Variants in CCDC68 observed in about 807,000 individuals in gnomAD.
CCDC68 encodes coiled-coil domain-containing protein 68.
In CCDC68, 45 loss-of-function variants were observed where a neutral mutation model predicts 47.1. The ratio of observed to expected loss-of-function variants is 0.96; its 90% CI spans 0.75 to 1.23. The LOEUF (loss-of-function observed/expected upper bound fraction) is 1.23. CCDC68 is among the 50% of genes most tolerant of loss of function. The probability of loss-of-function intolerance (pLI) is 0.00; values close to 1 mark genes in which losing one functional copy is unlikely to be tolerated. For synonymous variants in CCDC68, 131 were observed against 129.5 expected (o/e 1.01, Z -0.08); for missense variants, 353 against 373.6 (o/e 0.94, Z 0.45).
chr18:54,956,694 A>G (rs185113386), intron 1 of CCDC68, among the ~76,000 whole-genome samples: 1 of 152,332 alleles, frequency 6.6e-6, no homozygotes, highest in East Asian at 1.9e-4. Flanking sequence ...TCTGTATGAA[A>G]TGTCCAGAAA....
intron 8 of CCDC68, 75 bp downstream of exon 8, chr18:54,928,725 T>C (rs2044189901): frequency 1.1e-6 from 1 of 906,598 alleles, no homozygotes; most frequent in Non-Finnish European, 1.8e-6. Context: ...GAAGGTCTTC[T>C]GTTCCCTGGC....
chr18:54,919,486 T>A, intron 8 of CCDC68, 110 bp from the exon 9 acceptor site: 1 of 889,602 alleles, frequency 1.1e-6, no homozygotes, highest in Non-Finnish European at 1.8e-6. Flanking sequence ...GGGGATCAGT[T>A]GGGTAAGACC....
In CCDC68 at chr18:54,945,873, C is replaced by T. The variant is rs143226346; in HGVS notation, c.-102-396G>A. Among the ~76,000 whole-genome samples the T allele has an allele frequency of 3.4e-4, 52 of 152,198 alleles. 1 individual carries two copies. Among genetic ancestry groups the T allele is most frequent in the African/African-American group, 1.2e-3 (50 of 41,512 alleles). ...TTAAATGCTTGAAGTAAGAGAAACA[C>T]CCATAGAGTCAATATGCAGTGTGCT... On this transcript the variant is annotated intron_variant, in intron 1 of 11. Transcript: ENST00000591504.
In CCDC68 at chr18:54,919,318, A is replaced by G; in HGVS notation, c.742T>C (p.Phe248Leu). The change falls in exon 9 of 12, where the codon TTT (phenylalanine) becomes CTT (leucine). Residue 248 changes from phenylalanine to leucine, a missense_variant. By Grantham distance (22) the Phe-to-Leu change is conservative. Transcript: ENST00000591504. ...TTCTGATGTTGGGAGTGAATCACAA[A>G]CTGCAGATGAGAGATCTGCTCCTGG... ...ILQEQISHLQ[F>L]VIHSQHQNLR... 1 of 1,614,118 alleles carries G rather than the reference A, an allele frequency of 6.2e-7. No individual in the cohort carries two copies.
chr18:54,916,745 A>C (rs574055680), intron 10 of CCDC68, among the ~76,000 whole-genome samples: 1 of 152,264 alleles, frequency 6.6e-6, no homozygotes, highest in South Asian at 2.1e-4. Flanking sequence ...AGTGCTAGCA[A>C]GGGGGTTGAT....
intron 4 of CCDC68, among the ~76,000 whole-genome samples, chr18:54,939,801 C>T (rs1285270918): frequency 6.6e-6 from 1 of 152,100 alleles, no homozygotes; most frequent in African/African-American, 2.4e-5. Context: ...ACACGAGTAA[C>T]TTCAAACCAT....
chr18:54,915,785 C>T lies in CCDC68; in HGVS notation c.873+2128G>A, dbSNP rs2043937399. 2.6e-5 allele frequency among the ~76,000 whole-genome samples: 4 copies of T among 151,868 alleles called. No homozygotes were observed. In the South Asian group the frequency reaches 8.3e-4, roughly 32 times the overall value. ...CTCTACTAAAAATACTAAAATCAGC[C>T]GAGTGACATGGTGTGCGCCTGTAAT... On this transcript the variant is annotated intron_variant, in intron 10 of 11. Coordinates refer to ENST00000591504, the MANE Select transcript of CCDC68 (RefSeq NM_025214.3).
intron 7 of CCDC68, among the ~76,000 whole-genome samples, chr18:54,930,886 T>C (rs2044245731): frequency 1.3e-5 from 2 of 150,930 alleles, no homozygotes; most frequent in South Asian, 4.2e-4. Flanking sequence ...GCCCGGCTAA[T>C]TTTGTATTTT....
chr18:54,952,714 C>T (rs1045802735), intron 1 of CCDC68, among the ~76,000 whole-genome samples: 1 of 152,140 alleles, frequency 6.6e-6, no homozygotes, highest in Non-Finnish European at 1.5e-5. Context: ...AATACAACTC[C>T]TCATTAAGAA....
rs949888068 is a variant in CCDC68, at chr18:54,918,047, A to T, written c.790-51T>A. The stretch of plus-strand genomic sequence containing the variant: ...AAAACCTTGTCAGACCACAGGAAAT[A>T]GTTACTTAAGTCAGAAATTGTATGG... On this transcript the variant is annotated intron_variant, in intron 9 of 11. Coordinates refer to ENST00000591504, the MANE Select transcript of CCDC68 (RefSeq NM_025214.3). 8 of 738,702 alleles carry T rather than the reference A, an allele frequency of 1.1e-5. No individual in the cohort carries two copies. The African/African-American group carries it at 1.3e-4, about 12-fold the overall frequency. 45.8% of individuals were successfully genotyped at this position (738,702 alleles called of 1,614,324 possible).
At chr18:54,909,588 C>A (rs922301779) in intron 10 of CCDC68, among the ~76,000 whole-genome samples, 3 of 152,198 alleles carry the variant, frequency 2.0e-5, no homozygotes, top group Admixed American at 6.5e-5. Flanking sequence ...AGGTCTCATG[C>A]CTGTCAAGGG....
chr18:54,958,476 T>C (rs1382783928), intron 1 of CCDC68, among the ~76,000 whole-genome samples: 1 of 152,198 alleles, frequency 6.6e-6, no homozygotes, highest in Non-Finnish European at 1.5e-5. Flanking sequence ...ATAATTCCTT[T>C]TTGTATTCTG....
At chr18:54,913,688 C>A (rs2043894136) in intron 10 of CCDC68, among the ~76,000 whole-genome samples, 1 of 151,978 alleles carries the variant, frequency 6.6e-6, no homozygotes, top group African/African-American at 2.4e-5. Context: ...TGGTGTGCGC[C>A]TGTATTCCCA....
At chr18:54,957,043 A>C (rs2044723274) in intron 1 of CCDC68, among the ~76,000 whole-genome samples, 1 of 152,208 alleles carries the variant, frequency 6.6e-6, no homozygotes, top group African/African-American at 2.4e-5. Flanking sequence ...AAAAAATATA[A>C]TTTAATGGAT....
intron 11 of CCDC68, among the ~76,000 whole-genome samples, chr18:54,905,385 G>C (rs1011706120): frequency 1.6e-5 from 2 of 121,558 alleles, no homozygotes; most frequent in South Asian, 2.8e-4. Context: ...AAAGGAGAGG[G>C]AAGAGGGGAG....
At chr18:54,914,336 G>A (rs1353157742) in intron 10 of CCDC68, among the ~76,000 whole-genome samples, 3 of 152,146 alleles carry the variant, frequency 2.0e-5, no homozygotes, top group Non-Finnish European at 4.4e-5. Flanking sequence ...ACTGGCTTGA[G>A]TCTGGGCACA....
intron 6 of CCDC68, among the ~76,000 whole-genome samples, chr18:54,936,488 T>G (rs951011883): frequency 8.6e-5 from 13 of 151,962 alleles, no homozygotes; most frequent in Non-Finnish European, 1.6e-4. Context: ...TGGCTCAGTC[T>G]GGGCCATCTA....
At chr18:54,957,610 T>TACACAC (rs372257090) in intron 1 of CCDC68, among the ~76,000 whole-genome samples, 2 of 141,548 alleles carry the variant, frequency 1.4e-5, no homozygotes, top group Admixed American at 1.4e-4. Flanking sequence ...TAAAACAATG[T>TACACAC]ACACACACAC....
intron 1 of CCDC68, among the ~76,000 whole-genome samples, chr18:54,952,277 T>G (rs113694744): frequency 6.6e-6 from 1 of 152,318 alleles, no homozygotes; most frequent in Admixed American, 6.5e-5. Context: ...ACTTGCAACA[T>G]TTACATGATG....
Sources: gnomAD v4.1 joint callset for allele counts (sites outside exome capture counted in the v4.1 genomes callset) on GRCh38, gnomAD v4.1.1 for gene constraint, MANE v1.5 for transcripts, NCBI Gene and HGNC (gene_info 2026-07-23, HGNC 2026-07-21) for gene names.